Variants in CYB561D2 observed in about 807,000 individuals in gnomAD.
The protein encoded by CYB561D2 is transmembrane reductase CYB561D2.
Under a neutral mutation model 20.2 loss-of-function variants are expected in CYB561D2, and 16 were observed. The ratio of observed to expected loss-of-function variants is 0.79; its 90% CI spans 0.53 to 1.20. The LOEUF (loss-of-function observed/expected upper bound fraction) is 1.20, where lower values mean the gene tolerates loss of function less well. CYB561D2 is among the 50% of genes most tolerant of loss of function. The pLI is 0.00. For missense variants in CYB561D2, 247 were observed against 270.3 expected (o/e 0.91, Z 0.60); for synonymous variants, 135 against 128.3 (o/e 1.05, Z -0.35).
chr3:50,352,148 A>T, intron 3 of CYB561D2, 102 bp downstream of exon 3: 2 of 1,384,062 alleles, frequency 1.4e-6, no homozygotes, highest in Non-Finnish European at 2.0e-6. Context: ...TCTGTTTGGA[A>T]GAGTTGCATG....
At chr3:50,351,622 G>A (rs1324364680) in intron 2 of CYB561D2, 62 bp downstream of exon 2, 3 of 1,571,530 alleles carry the variant, frequency 1.9e-6, no homozygotes, top group East Asian at 4.5e-5. Flanking sequence ...GGGAGGAAGG[G>A]CAGTGGGACT....
In CYB561D2 at chr3:50,353,343, C is replaced by T; in HGVS notation, c.268C>T (p.Gln90Ter). ...CCGAGCACGCTGCCACTGGGTGCTG[C>T]AGCTGCTGGCCCTGCTGTGTGCACT... ...KGRARCHWVLQLLALLCALLG... is the reference protein window; with the variant it reads ...KGRARCHWVL Residue 90 changes from glutamine to a stop codon, truncating the protein, a stop_gained, in exon 4 of 4, where the codon CAG becomes TAG. Coordinates refer to ENST00000425346, the MANE Select transcript of CYB561D2 (RefSeq NM_001291284.2). LOFTEE classifies it high-confidence loss of function. 2 of 1,612,992 alleles carry T rather than the reference C, an allele frequency of 1.2e-6. No homozygotes were observed. The highest frequency in any genetic ancestry group is 1.7e-6 in the Non-Finnish European group (2 of 1,179,524).
chr3:50,351,974 C>T (rs766691148), intron 2 of CYB561D2, 35 bp from the exon 3 acceptor site: 24 of 1,613,244 alleles, frequency 1.5e-5, no homozygotes, highest in Non-Finnish European at 1.9e-5. Context: ...TTTCTTCTTG[C>T]CTCAGCCCCA....
intron 2 of CYB561D2, 122 bp downstream of exon 2, chr3:50,351,682 G>A: frequency 7.2e-7 from 1 of 1,384,964 alleles, no homozygotes; most frequent in Non-Finnish European, 9.8e-7. Context: ...GGAGCGATGA[G>A]TGAGGTGGAG....
intron 3 of CYB561D2, among the ~76,000 whole-genome samples, chr3:50,352,849 T>G (rs1703804074): frequency 6.6e-6 from 1 of 152,232 alleles, no homozygotes; most frequent in African/African-American, 2.4e-5. Context: ...TTTACTTTAA[T>G]TTCTGGTGAT....
rs762927943 is a variant in CYB561D2, at chr3:50,353,367, C to G, written c.292C>G (p.Leu98Val). 4 of 1,613,434 alleles carry G rather than the reference C, an allele frequency of 2.5e-6. No homozygotes were observed. The Admixed American group carries it at 6.7e-5, about 27-fold the overall frequency. The change falls in exon 4 of 4, where the codon CTG becomes GTG. Residue 98 changes from leucine to valine, a missense_variant. By Grantham distance (32) the Leu-to-Val change is conservative. Coordinates refer to ENST00000425346, the MANE Select transcript of CYB561D2 (RefSeq NM_001291284.2). ...GCAGCTGCTGGCCCTGCTGTGTGCA[C>G]TGCTGGGCCTCGGCCTTGTCATCCT... ...VLQLLALLCA[L>V]LGLGLVILHK... is the part of the protein sequence containing the mutation.
At chr3:50,351,259 G>A in intron 1 of CYB561D2, 150 bp from the exon 2 acceptor site, 1 of 867,894 alleles carries the variant, frequency 1.2e-6, no homozygotes, top group Non-Finnish European at 1.7e-6. Flanking sequence ...CGACTGGCAT[G>A]TTGTGACCAT....
intron 3 of CYB561D2, among the ~76,000 whole-genome samples, chr3:50,352,684 CAAAAAAA>C (rs59516380): frequency 7.0e-4 from 32 of 45,704 alleles, no homozygotes; most frequent in South Asian, 1.7e-3. Flanking sequence ...AGACTATCTC[CAAAAAAA>C]AAAAAAAAAA....
Position 50,350,991 on chromosome 3 carries a change from C to A in CYB561D2, c.-26+7C>A. 1.8e-6 allele frequency: 2 copies of A among 1,090,470 alleles called. No homozygotes were observed. Among genetic ancestry groups the A allele is most frequent in the Non-Finnish European group, 2.4e-6 (2 of 836,132 alleles). The allele number at this position is 1,090,470 out of a possible 1,614,324, so 67.5% of individuals were successfully genotyped here. On this transcript the variant is annotated splice_region_variant and intron_variant, in intron 1 of 3. Coordinates refer to ENST00000425346, the MANE Select transcript of CYB561D2 (RefSeq NM_001291284.2). This position sits in a 1 kb window ranked among gnomAD's most constrained non-coding sequence, Gnocchi z 5.7. ...TGCGCTGCGGCAGAGGCAGGCAAGT[C>A]CCTAGCGTGGAGGGGCAGCATGCTG...
chr3:50,351,390 C>A lies in CYB561D2; in HGVS notation c.-25-19C>A. ...ACAGTGGGCACCTGAGATCCTGGCC[C>A]ACGCTACTATGCTTTCAGGCTACAA... is the stretch of plus-strand genomic sequence containing the variant. On this transcript the variant is annotated intron_variant, in intron 1 of 3. Transcript: ENST00000425346. 2.5e-6 allele frequency: 4 copies of A among 1,596,918 alleles called. No individual in the cohort carries two copies. Among genetic ancestry groups the A allele is most frequent in the Non-Finnish European group, 3.4e-6 (4 of 1,168,164 alleles).
At chr3:50,351,235 A>C (rs1185963110) in intron 1 of CYB561D2, 174 bp from the exon 2 acceptor site, 1 of 692,306 alleles carries the variant, frequency 1.4e-6, no homozygotes, top group African/African-American at 1.8e-5. Flanking sequence ...ACACGTTGAC[A>C]GGCCGCCGGC....
chr3:50,352,346 G>A (rs1703786574), intron 3 of CYB561D2, among the ~76,000 whole-genome samples: 1 of 151,958 alleles, frequency 6.6e-6, no homozygotes, highest in Non-Finnish European at 1.5e-5. Flanking sequence ...CGGGCATGGT[G>A]GCACGCGCCT....
In CYB561D2 at chr3:50,353,908, C is replaced by T. The variant is rs1477048116; in HGVS notation, c.*164C>T. 9.6e-6 allele frequency: 7 copies of T among 731,110 alleles called. No individual in the cohort carries two copies. In the East Asian group the frequency reaches 1.9e-4, roughly 20 times the overall value. 45.3% of individuals were successfully genotyped at this position (731,110 alleles called of 1,614,324 possible). Reference sequence around the variant, plus strand: ...ATTCCTGCTCCTCATGCTGGAGTGCCTCCCATTTCCTTCCCCTTTCTCTGT... The same window carrying T: ...ATTCCTGCTCCTCATGCTGGAGTGCTTCCCATTTCCTTCCCCTTTCTCTGT... On this transcript the variant is annotated 3_prime_UTR_variant, in exon 4 of 4. Transcript: ENST00000425346.
intron 3 of CYB561D2, 64 bp downstream of exon 3, chr3:50,352,110 G>A (rs2109373059): frequency 6.4e-7 from 1 of 1,565,436 alleles, no homozygotes; most frequent in Non-Finnish European, 8.8e-7. Context: ...GGCCCTGGCA[G>A]CCTCTGAATC....
intron 2 of CYB561D2, 54 bp from the exon 3 acceptor site, chr3:50,351,955 T>C (rs1007867837): frequency 5.6e-6 from 9 of 1,605,792 alleles, no homozygotes; most frequent in Non-Finnish European, 7.7e-6. Context: ...TAAGGATTGG[T>C]ATGGCTGGTT....
At position 50,351,024 on chromosome 3, in the gene CYB561D2, T is replaced by G. The variant is rs1231610545; in HGVS notation, c.-26+40T>G. The G allele has an allele frequency of 8.6e-6, 6 of 698,208 alleles. No homozygotes were observed. In the Admixed American group the frequency reaches 2.5e-4, roughly 29 times the overall value. 43.3% of individuals were successfully genotyped at this position (698,208 alleles called of 1,614,324 possible). A position where few individuals can be genotyped will look rare whatever the true frequency, so the allele number is the denominator to read the frequency against. Reference sequence around the variant, plus strand: ...TGGAGGGGCAGCATGCTGGCAGCACTTGGGGAGGCGGTGCGCTAAGGGATT... The same window carrying G: ...TGGAGGGGCAGCATGCTGGCAGCACGTGGGGAGGCGGTGCGCTAAGGGATT... On this transcript the variant is annotated intron_variant, in intron 1 of 3. Coordinates refer to ENST00000425346, the MANE Select transcript of CYB561D2 (RefSeq NM_001291284.2).
In CYB561D2 at chr3:50,353,814, ACT is replaced by A. The variant is rs1703826447; in HGVS notation, c.*76_*77del. 3 of 1,513,254 alleles carry A rather than the reference ACT, an allele frequency of 2.0e-6. No individual in the cohort carries two copies. Among genetic ancestry groups the A allele is most frequent in the Non-Finnish European group, 2.7e-6 (3 of 1,128,996 alleles). The allele number at this position is 1,513,254 out of a possible 1,614,324, so 93.7% of individuals were successfully genotyped here. A position where few individuals can be genotyped will look rare whatever the true frequency, so the allele number is the denominator to read the frequency against. On this transcript the variant is annotated 3_prime_UTR_variant, in exon 4 of 4. Coordinates refer to ENST00000425346, the MANE Select transcript of CYB561D2 (RefSeq NM_001291284.2). Reference sequence around the variant, plus strand: ...GGAGCTGGGCCTAGGGACCTGTTGAACTCTCTCAGCTGAGTCAGGGGACACCT... The same window carrying A: ...GGAGCTGGGCCTAGGGACCTGTTGAACTCTCAGCTGAGTCAGGGGACACCT...
In CYB561D2 at chr3:50,353,258, C is replaced by T. The variant is rs150801493; in HGVS notation, c.183C>T (p.Thr61=). ...TTCCTCAGTTCTCCTTCCTGATGACCGAGGCACTACTGGTGTTTTCTCCTG... is the reference window on the plus strand; with the variant it reads ...TTCCTCAGTTCTCCTTCCTGATGACTGAGGCACTACTGGTGTTTTCTCCTG... The part of the protein sequence containing the change: ...LMSLAFSFLM[T]EALLVFSPES... Residue 61 remains threonine (T), a synonymous_variant, in exon 4 of 4, where the codon ACC becomes ACT. Transcript: ENST00000425346. 9.0e-5 allele frequency: 141 copies of T among 1,566,172 alleles called. No homozygotes were observed. Among genetic ancestry groups the T allele is most frequent in the Non-Finnish European group, 1.1e-4 (131 of 1,149,666 alleles).
Position 50,353,665 on chromosome 3 carries a change from T to C in CYB561D2, c.590T>C (p.Leu197Ser). 1 of 1,613,522 alleles carries C rather than the reference T, an allele frequency of 6.2e-7. No homozygotes were observed. Among genetic ancestry groups the C allele is most frequent in the East Asian group, 2.2e-5 (1 of 44,894 alleles). ...GGTGCAGCCTGGTACCTGGCTGTAT[T>C]ATGCCCTGTCCTCACCAGCTTGGTC... Reference protein sequence around the residue: ...VTGAAWYLAVLCPVLTSLVIM... With the variant: ...VTGAAWYLAVSCPVLTSLVIM... Residue 197 changes from leucine to serine, a missense_variant, in exon 4 of 4, where the codon TTA becomes TCA. Coordinates refer to ENST00000425346, the MANE Select transcript of CYB561D2 (RefSeq NM_001291284.2).
Sources: allele counts gnomAD v4.1 joint callset (sites outside exome capture counted in the v4.1 genomes callset), GRCh38; gene constraint gnomAD v4.1.1; non-coding constraint Gnocchi (gnomAD v3.1); transcripts MANE v1.5; gene names NCBI Gene and HGNC (gene_info 2026-07-23, HGNC 2026-07-21).